NIPSNAP2: variants seen among roughly 807,000 people sequenced by gnomAD.
NIPSNAP2 encodes protein NipSnap homolog 2.
A neutral mutation model predicts 48.4 loss-of-function variants in NIPSNAP2; 42 were observed. The ratio of observed to expected loss-of-function variants is 0.87; its 90% CI spans 0.68 to 1.12. NIPSNAP2 has a LOEUF of 1.12. NIPSNAP2 is among the 50% of genes most tolerant of loss of function. The pLI is 0.00. For missense variants in NIPSNAP2, 314 were observed against 347.3 expected, an observed-to-expected ratio of 0.90 and a Z score of 0.76; for synonymous variants, 158 against 126.6, an observed-to-expected ratio of 1.25 and a Z score of -1.67.
chr7:55,988,275 A>T lies in NIPSNAP2; in HGVS notation c.617+3397A>T, dbSNP rs539876214. On this transcript the variant is annotated intron_variant, in intron 7 of 9. Transcript: ENST00000322090. ...TGTATCAAAAAAAAAATTTTTTTTT[A>T]AATAAATTTTAAAACTTTTTAACGG... Among the ~76,000 whole-genome samples the T allele has an allele frequency of 4.0e-3, 607 of 152,176 alleles. 5 individuals carry two copies. Among genetic ancestry groups the T allele is most frequent in the Non-Finnish European group, 4.8e-3 (324 of 68,020 alleles).
chr7:55,987,328 A>G (rs1308354871), intron 7 of NIPSNAP2, among the ~76,000 whole-genome samples: 1 of 151,978 alleles, frequency 6.6e-6, no homozygotes, highest in Non-Finnish European at 1.5e-5. Context: ...CAATAGATAA[A>G]TGGATAAAGA....
Position 55,964,599 on chromosome 7 carries a change from C to G in NIPSNAP2, c.-11C>G. The G allele has an allele frequency of 9.9e-7, 1 of 1,012,984 alleles. No individual in the cohort carries two copies. Among genetic ancestry groups the G allele is most frequent in the East Asian group, 9.5e-5 (1 of 10,530 alleles). The allele number at this position is 1,012,984 out of a possible 1,614,324, so 62.7% of individuals were successfully genotyped here. A position where few individuals can be genotyped will look rare whatever the true frequency, so the allele number is the denominator to read the frequency against. On this transcript the variant is annotated 5_prime_UTR_variant, in exon 1 of 10. Coordinates refer to ENST00000322090, the MANE Select transcript of NIPSNAP2 (RefSeq NM_001483.3). ...GGCGCCCGGGCGGTGGGAGCCGAGG[C>G]GCCGAGCAAGATGGCGGCGCGAGTG...
intron 3 of NIPSNAP2, chr7:55,978,912 G>T (rs531792208): frequency 6.5e-6 from 1 of 152,990 alleles, no homozygotes. Context: ...CCTATGATTT[G>T]CGATCTAAAC....
chr7:55,975,495 G>A (rs1041989345), intron 1 of NIPSNAP2, among the ~76,000 whole-genome samples: 5 of 152,214 alleles, frequency 3.3e-5, no homozygotes, highest in South Asian at 2.1e-4. Flanking sequence ...CCATACATAC[G>A]ATGTTCTAGA....
At chr7:55,966,163 A>G (rs986661449) in intron 1 of NIPSNAP2, among the ~76,000 whole-genome samples, 14 of 152,226 alleles carry the variant, frequency 9.2e-5, no homozygotes, top group African/African-American at 2.9e-4. Context: ...GTGCTATTCA[A>G]GTGGAAACGC....
At chr7:55,973,570 G>T (rs927057068) in intron 1 of NIPSNAP2, among the ~76,000 whole-genome samples, 2 of 151,978 alleles carry the variant, frequency 1.3e-5, no homozygotes, top group African/African-American at 4.8e-5. Flanking sequence ...CACCTCCTGG[G>T]TTCAAGCGAT....
At chr7:55,976,880 G>A (rs927889267) in intron 1 of NIPSNAP2, among the ~76,000 whole-genome samples, 1 of 151,950 alleles carries the variant, frequency 6.6e-6, no homozygotes, top group African/African-American at 2.4e-5. Context: ...GGGTGACAGG[G>A]CAAGACCCAG....
chr7:55,993,742 AAAATT>A (rs1787497368), intron 7 of NIPSNAP2, among the ~76,000 whole-genome samples: 1 of 152,180 alleles, frequency 6.6e-6, no homozygotes, highest in Non-Finnish European at 1.5e-5. Context: ...TGTTTCAAAA[AAAATT>A]AAAGAGCTGA....
intron 1 of NIPSNAP2, 49 bp downstream of exon 1, chr7:55,964,750 A>C (rs1316100275): frequency 6.3e-6 from 6 of 959,398 alleles, no homozygotes; most frequent in Non-Finnish European, 7.8e-6. Flanking sequence ...GGCCGCCGCG[A>C]GGCGGAGGGC....
At chr7:55,977,117 T>C (rs1372123779) in intron 1 of NIPSNAP2, among the ~76,000 whole-genome samples, 2 of 151,804 alleles carry the variant, frequency 1.3e-5, no homozygotes, top group African/African-American at 4.8e-5. Context: ...TTGGCCAGGC[T>C]CGGTAGCTCC....
At chr7:55,992,390 CG>C in intron 7 of NIPSNAP2, among the ~76,000 whole-genome samples, 1 of 152,026 alleles carries the variant, frequency 6.6e-6, no homozygotes, top group Non-Finnish European at 1.5e-5. Flanking sequence ...CTCAGGAGGC[CG>C]GGGCAGGAGG....
chr7:55,981,560 C>T lies in NIPSNAP2; in HGVS notation c.366C>T (p.Asp122=), dbSNP rs1410774861. Residue 122 remains aspartate (D), a synonymous_variant, in exon 4 of 10, where the codon GAC becomes GAT. Coordinates refer to ENST00000322090, the MANE Select transcript of NIPSNAP2 (RefSeq NM_001483.3). Reference sequence around the variant, plus strand: ...GGAACACGTGGTATGGCGAGCAGGACCAAGCTGGTAGGAAGCGAAGTCTTT... The same window carrying T: ...GGAACACGTGGTATGGCGAGCAGGATCAAGCTGGTAGGAAGCGAAGTCTTT... ...GTWNTWYGEQ[D]QAVHLWRYEG... 6.8e-6 allele frequency: 11 copies of T among 1,612,498 alleles called. No homozygotes were observed. Among genetic ancestry groups the T allele is most frequent in the Non-Finnish European group, 8.5e-6 (10 of 1,178,824 alleles).
intron 7 of NIPSNAP2, among the ~76,000 whole-genome samples, chr7:55,989,178 C>T (rs761146949): frequency 2.6e-5 from 4 of 152,184 alleles, no homozygotes; most frequent in Non-Finnish European, 5.9e-5. Flanking sequence ...AAGCTGTCCA[C>T]GTCCTCCCAG....
At chr7:55,989,469 A>G (rs1411748838) in intron 7 of NIPSNAP2, among the ~76,000 whole-genome samples, 1 of 152,072 alleles carries the variant, frequency 6.6e-6, no homozygotes, top group African/African-American at 2.4e-5. Flanking sequence ...TACAAAAAAT[A>G]CTAAATTAGC....
intron 7 of NIPSNAP2, among the ~76,000 whole-genome samples, chr7:55,993,833 A>G (rs1410988574): frequency 6.6e-6 from 1 of 152,148 alleles, no homozygotes; most frequent in Non-Finnish European, 1.5e-5. Flanking sequence ...TGATGTCCAC[A>G]GAGGCACAAT....
chr7:55,982,860 T>G (rs374556703), intron 5 of NIPSNAP2, among the ~76,000 whole-genome samples: 5 of 147,496 alleles, frequency 3.4e-5, no homozygotes, highest in Non-Finnish European at 7.5e-5. Context: ...CGGTAACTCA[T>G]GCTTGTAATC....
chr7:55,998,846 C>T (rs760445338), intron 9 of NIPSNAP2, among the ~76,000 whole-genome samples, 162 bp from the exon 10 acceptor site: 32 of 152,048 alleles, frequency 2.1e-4, no homozygotes, highest in Non-Finnish European at 4.4e-4. Context: ...ATACAGGGTC[C>T]GCTTGTATAT....
intron 7 of NIPSNAP2, among the ~76,000 whole-genome samples, chr7:55,994,484 G>C (rs1038688706): frequency 6.6e-6 from 1 of 152,150 alleles, no homozygotes; most frequent in Non-Finnish European, 1.5e-5. Context: ...AGGCTGAGGC[G>C]GGCGGATTAC....
At chr7:55,964,785 G>A (rs1179410023) in intron 1 of NIPSNAP2, 84 bp downstream of exon 1, 8 of 664,168 alleles carry the variant, frequency 1.2e-5, no homozygotes, top group African/African-American at 1.9e-5. Flanking sequence ...GCCGGTCTCC[G>A]CCCCGGCCCT....
Sources: gnomAD v4.1 joint callset for allele counts (sites outside exome capture counted in the v4.1 genomes callset) on GRCh38, gnomAD v4.1.1 for gene constraint, MANE v1.5 for transcripts, NCBI Gene and HGNC (gene_info 2026-07-23, HGNC 2026-07-21) for gene names.